ZFR: variants seen among roughly 807,000 people sequenced by gnomAD.
ZFR encodes zinc finger RNA binding protein, also known as zinc finger RNA-binding protein.
In ZFR, 19 loss-of-function variants were observed where a neutral mutation model predicts 130.7. The ratio of observed to expected loss-of-function variants is 0.15; its 90% CI spans 0.10 to 0.21. The LOEUF (loss-of-function observed/expected upper bound fraction) is 0.21. ZFR is among the 10% of genes least tolerant of loss of function. The pLI, the probability that ZFR is intolerant of heterozygous loss-of-function variation, is 1.00. For synonymous variants in ZFR, 466 were observed against 456.9 expected (o/e 1.02, Z -0.25); for missense variants, 872 against 1,321.5 (o/e 0.66, Z 5.27).
intron 5 of ZFR, among the ~76,000 whole-genome samples, chr5:32,409,755 T>G (rs1034609604): frequency 6.6e-6 from 1 of 152,226 alleles, no homozygotes; most frequent in Non-Finnish European, 1.5e-5. Context: ...GCTGAACCGA[T>G]GGATACAGAG....
In ZFR at chr5:32,403,147, A is replaced by G. The variant is rs761152180; in HGVS notation, c.1475T>C (p.Met492Thr). ...GGGGGTAGATGTTTTCTTGGCAGCC[A>G]TATTTGTAGGCACTGCTGATACTTT... ...NTKVSAVPTN[M>T]AAKKTSTPKI... The change falls in exon 8 of 20, where the codon ATG becomes ACG. Residue 492 changes from methionine to threonine, a missense_variant. Met to Thr is a moderately conservative substitution (Grantham distance 81). Coordinates refer to ENST00000265069, the MANE Select transcript of ZFR (RefSeq NM_016107.5). 5 of 1,614,164 alleles carry G rather than the reference A, an allele frequency of 3.1e-6. No homozygotes were observed. In the South Asian group the frequency reaches 4.4e-5, roughly 14 times the overall value.
At position 32,440,418 on chromosome 5, in the gene ZFR, C is replaced by T. The variant is rs368673872; in HGVS notation, c.137+3811G>A. On this transcript the variant is annotated intron_variant, in intron 2 of 19. Coordinates refer to ENST00000265069, the MANE Select transcript of ZFR (RefSeq NM_016107.5). ...ATCCCAGCACTTTTGGAGGCTGAGG[C>T]GGGCGGAGGACCGGAGTTCGGGAGT... 5.3e-5 allele frequency among the ~76,000 whole-genome samples: 8 copies of T among 152,252 alleles called. No homozygotes were observed. The East Asian group carries it at 1.2e-3, about 22-fold the overall frequency.
At chr5:32,370,070 T>C (rs942592155) in intron 17 of ZFR, among the ~76,000 whole-genome samples, 3 of 151,620 alleles carry the variant, frequency 2.0e-5, no homozygotes, top group Non-Finnish European at 2.9e-5. Flanking sequence ...GTTTTCAACA[T>C]TAATCAATAC....
At chr5:32,418,469 A>G (rs1482269024) in intron 3 of ZFR, among the ~76,000 whole-genome samples, 4 of 152,148 alleles carry the variant, frequency 2.6e-5, no homozygotes, top group Admixed American at 1.3e-4. Context: ...GCTCCTTTTC[A>G]GTATTTCTTT....
At chr5:32,383,516 T>C (rs964750188) in intron 15 of ZFR, among the ~76,000 whole-genome samples, 5 of 152,362 alleles carry the variant, frequency 3.3e-5, no homozygotes, top group Admixed American at 2.0e-4. Flanking sequence ...AGATCTGTCA[T>C]GTGTTTAACA....
intron 9 of ZFR, among the ~76,000 whole-genome samples, chr5:32,399,233 T>C (rs772533701): frequency 6.6e-6 from 1 of 151,732 alleles, no homozygotes; most frequent in Non-Finnish European, 1.5e-5. Flanking sequence ...CAAGACTGTG[T>C]CACTACACTC....
intron 19 of ZFR, among the ~76,000 whole-genome samples, chr5:32,356,232 C>G (rs193260186): frequency 2.2e-3 from 338 of 151,972 alleles, no homozygotes; most frequent in African/African-American, 7.7e-3. Flanking sequence ...AAGAAACAAG[C>G]AGGATGTTGA....
In ZFR at chr5:32,355,770, T is replaced by C; in HGVS notation, c.3215A>G (p.Asp1072Gly). 2 of 1,585,472 alleles carry C rather than the reference T, an allele frequency of 1.3e-6. No homozygotes were observed. The highest frequency in any genetic ancestry group is 1.7e-6 in the Non-Finnish European group (2 of 1,170,708). Reference protein sequence around the residue: ...AEGKKDKKDYDNF With the variant: ...AEGKKDKKDYGNF ...ATTTACAGACACTTTTTAAAAGTTATCATAATCTTTTTTGTCTTTTTTCCC... is the reference window on the plus strand; with the variant it reads ...ATTTACAGACACTTTTTAAAAGTTACCATAATCTTTTTTGTCTTTTTTCCC... The change falls in exon 20 of 20, where the codon GAT becomes GGT. Residue 1072 changes from aspartate (D) to glycine (G), a missense_variant. Transcript: ENST00000265069.
chr5:32,402,489 T>C (rs980228618), intron 8 of ZFR, among the ~76,000 whole-genome samples: 4 of 151,838 alleles, frequency 2.6e-5, no homozygotes, highest in African/African-American at 4.8e-5. Flanking sequence ...ATCAGGGCCA[T>C]GCGTTGTGGT....
At chr5:32,436,694 T>G (rs1754343991) in intron 2 of ZFR, among the ~76,000 whole-genome samples, 1 of 152,190 alleles carries the variant, frequency 6.6e-6, no homozygotes. Context: ...CACGCTAGTC[T>G]CAAAATCCTG....
chr5:32,397,507 G>A (rs1753341756), intron 9 of ZFR, among the ~76,000 whole-genome samples, 169 bp from the exon 10 acceptor site: 1 of 152,132 alleles, frequency 6.6e-6, no homozygotes, highest in Non-Finnish European at 1.5e-5. Flanking sequence ...ATGCTGGAGT[G>A]CAGTGGTTTG....
chr5:32,428,491 T>C (rs1260597686), intron 2 of ZFR, among the ~76,000 whole-genome samples: 1 of 152,204 alleles, frequency 6.6e-6, no homozygotes, highest in African/African-American at 2.4e-5. Context: ...GGAGGATCAC[T>C]TGAGCCTAGG....
intron 5 of ZFR, among the ~76,000 whole-genome samples, chr5:32,412,950 G>A (rs997917451): frequency 6.6e-6 from 1 of 152,126 alleles, no homozygotes; most frequent in Non-Finnish European, 1.5e-5. Flanking sequence ...AGCACTCTGG[G>A]AGGCCAAGGT....
chr5:32,429,789 CCAGGCGCAGTAGCT>C lies in ZFR; in HGVS notation c.138-9700_138-9687del, dbSNP rs201445151. On this transcript the variant is annotated intron_variant, in intron 2 of 19. Transcript: ENST00000265069. ...CCTCAATCAAAAAAATCTTAAGAGG[CCAGGCGCAGTAGCT>C]CATGCTTGTAATCCTGGCATTTTGG... is the stretch of plus-strand genomic sequence containing the variant. Among the ~76,000 whole-genome samples, 80 of 152,068 alleles carry C rather than the reference CCAGGCGCAGTAGCT, an allele frequency of 5.3e-4. 1 individual carries two copies. In the East Asian group the frequency reaches 0.012, roughly 22 times the overall value.
intron 2 of ZFR, among the ~76,000 whole-genome samples, chr5:32,435,286 G>A (rs948406248): frequency 3.3e-5 from 5 of 152,142 alleles, no homozygotes; most frequent in Admixed American, 1.3e-4. Flanking sequence ...TCAAGGAAAG[G>A]TATGAATATT....
At chr5:32,357,623 C>T (rs1364031) in intron 19 of ZFR, among the ~76,000 whole-genome samples, 142,658 of 152,308 alleles carry the variant, frequency 0.94, 66,904 homozygotes, top group African/African-American at 0.97. Flanking sequence ...GCTCATTTCC[C>T]TAAGTTTAAA....
At chr5:32,419,728 C>T in intron 3 of ZFR, 93 bp downstream of exon 3, 1 of 1,483,698 alleles carries the variant, frequency 6.7e-7, no homozygotes, top group South Asian at 1.4e-5. Flanking sequence ...TTGGAAGCCC[C>T]AAGTTTGAGA....
At chr5:32,393,678 T>A (rs1298881663) in intron 11 of ZFR, among the ~76,000 whole-genome samples, 2 of 152,166 alleles carry the variant, frequency 1.3e-5, no homozygotes. Flanking sequence ...TTGACAGGTA[T>A]AACCCACATA....
At chr5:32,366,183 G>A (rs1348025754) in intron 17 of ZFR, among the ~76,000 whole-genome samples, 1 of 152,174 alleles carries the variant, frequency 6.6e-6, no homozygotes, top group Non-Finnish European at 1.5e-5. Context: ...ACAATTCAGT[G>A]ATAAAATAAA....
Sources: gnomAD v4.1 joint callset for allele counts (sites outside exome capture counted in the v4.1 genomes callset) on GRCh38, gnomAD v4.1.1 for gene constraint, MANE v1.5 for transcripts, NCBI Gene and HGNC (gene_info 2026-07-23, HGNC 2026-07-21) for gene names.